The following SRRM4 variants were observed in gnomAD, a reference collection of about 807,000 sequenced individuals.
SRRM4 encodes the protein serine/arginine repetitive matrix protein 4.
SRRM4 carries 33 observed loss-of-function variants against 68.9 expected under a neutral mutation model. That is an observed-to-expected ratio of 0.48 (90% CI 0.36 to 0.64). The LOEUF (loss-of-function observed/expected upper bound fraction) is 0.64, where lower values mean the gene tolerates loss of function less well. Ranked by LOEUF, SRRM4 falls within the 30% of genes least tolerant of loss-of-function variation. The pLI is 0.00. For missense variants in SRRM4, 817 were observed against 827.1 expected (o/e 0.99, Z 0.15); for synonymous variants, 318 against 318.8 (o/e 1.00, Z 0.03).
chr12:119,026,308 G>A (rs552048278), intron 1 of SRRM4, among the ~76,000 whole-genome samples: 2 of 152,076 alleles, frequency 1.3e-5, no homozygotes, highest in African/African-American at 4.8e-5. Context: ...AGACTTGGAA[G>A]GTGACAGGAT....
intron 1 of SRRM4, among the ~76,000 whole-genome samples, chr12:118,987,462 C>T (rs1953289902): frequency 6.6e-6 from 1 of 152,086 alleles, no homozygotes; most frequent in African/African-American, 2.4e-5. Flanking sequence ...TTTGGTGCTC[C>T]CTAAAGAGCC....
At chr12:119,096,927 C>T (rs759945412) in intron 1 of SRRM4, among the ~76,000 whole-genome samples, 2 of 152,104 alleles carry the variant, frequency 1.3e-5, no homozygotes, top group African/African-American at 2.4e-5. Context: ...TGACTCTTAT[C>T]GGAGCCTTGG....
At chr12:119,150,717 GTTAC>G (rs1954433376) in intron 9 of SRRM4, among the ~76,000 whole-genome samples, 1 of 152,166 alleles carries the variant, frequency 6.6e-6, no homozygotes, top group African/African-American at 2.4e-5. Context: ...GTAATCTGAT[GTTAC>G]TTACCATCAT....
intron 1 of SRRM4, among the ~76,000 whole-genome samples, chr12:119,089,797 CAGT>C (rs1954003279): frequency 6.6e-6 from 1 of 152,164 alleles, no homozygotes; most frequent in Non-Finnish European, 1.5e-5. Flanking sequence ...CTATCATCAT[CAGT>C]AACATTATCA....
chr12:119,066,951 A>G (rs1419242105), intron 1 of SRRM4, among the ~76,000 whole-genome samples: 1 of 152,174 alleles, frequency 6.6e-6, no homozygotes, highest in Non-Finnish European at 1.5e-5. Flanking sequence ...CTCTTTCCAA[A>G]GAGTGGACCT....
At chr12:119,004,032 T>G (rs1246845022) in intron 1 of SRRM4, among the ~76,000 whole-genome samples, 1 of 152,068 alleles carries the variant, frequency 6.6e-6, no homozygotes, top group Non-Finnish European at 1.5e-5. Flanking sequence ...CTAGTCTGGA[T>G]TTTGGATGTT....
intron 1 of SRRM4, among the ~76,000 whole-genome samples, chr12:119,042,513 A>C (rs1953676179): frequency 6.6e-6 from 1 of 151,868 alleles, no homozygotes; most frequent in South Asian, 2.1e-4. Context: ...CCATCCACCA[A>C]GGACACTGCC....
chr12:119,103,006 G>A (rs1172598309), intron 2 of SRRM4, among the ~76,000 whole-genome samples: 1 of 152,104 alleles, frequency 6.6e-6, no homozygotes, highest in Non-Finnish European at 1.5e-5. Context: ...AAGTGGCAGA[G>A]TGAAGTTTTG....
At chr12:118,988,360 A>C (rs1322863467) in intron 1 of SRRM4, among the ~76,000 whole-genome samples, 1 of 152,230 alleles carries the variant, frequency 6.6e-6, no homozygotes, top group Admixed American at 6.5e-5. Context: ...CTCTGAGGGG[A>C]ACATTAACTG....
chr12:119,073,667 C>T (rs186752383), intron 1 of SRRM4, among the ~76,000 whole-genome samples: 51 of 152,246 alleles, frequency 3.3e-4, no homozygotes, highest in Admixed American at 3.3e-3. Context: ...GTTGCTCAGG[C>T]TGGAGTATAG....
chr12:119,011,589 A>T (rs1235686207), intron 1 of SRRM4, among the ~76,000 whole-genome samples: 1 of 152,220 alleles, frequency 6.6e-6, no homozygotes, highest in Non-Finnish European at 1.5e-5. Context: ...CCATTAAGAC[A>T]ACGTTTGCAA....
At chr12:119,017,165 T>G (rs1300308171) in intron 1 of SRRM4, among the ~76,000 whole-genome samples, 2 of 152,350 alleles carry the variant, frequency 1.3e-5, no homozygotes, top group Admixed American at 1.3e-4. Context: ...AATCTCCAGC[T>G]TCTATGATTG....
chr12:119,061,142 T>C (rs1259194987), intron 1 of SRRM4, among the ~76,000 whole-genome samples: 3 of 152,132 alleles, frequency 2.0e-5, no homozygotes, highest in Non-Finnish European at 2.9e-5. Context: ...CCTTGAAGGT[T>C]GAAGGAATGA....
intron 10 of SRRM4, among the ~76,000 whole-genome samples, chr12:119,152,794 CCT>C (rs1455417411): frequency 2.6e-5 from 4 of 152,292 alleles, no homozygotes; most frequent in South Asian, 2.1e-4. Flanking sequence ...TATTCCTGCC[CCT>C]GTTTTCTAAA....
At chr12:119,053,793 T>A (rs1953759887) in intron 1 of SRRM4, among the ~76,000 whole-genome samples, 1 of 152,152 alleles carries the variant, frequency 6.6e-6, no homozygotes, top group South Asian at 2.1e-4. Context: ...TATATGTTTA[T>A]GAGATATTTT....
rs768671142 is a variant in SRRM4 at position 119,130,728 on chromosome 12, C to G, written c.665C>G (p.Ser222Cys). 5.0e-6 allele frequency: 8 copies of G among 1,611,296 alleles called. No individual in the cohort carries two copies. The highest frequency in any genetic ancestry group is 6.8e-6 in the Non-Finnish European group (8 of 1,179,838). ...GGGCAGAAGTCCCGCCGAAGGCACTCCCGCCGCTGCTCCAAGACCCTCTGC... is the reference window on the plus strand; with the variant it reads ...GGGCAGAAGTCCCGCCGAAGGCACTGCCGCCGCTGCTCCAAGACCCTCTGC... ...EEGQKSRRRH[S>C]RRCSKTLCKD... Residue 222 changes from serine (S) to cysteine (C), a missense_variant, in exon 8 of 13, where the codon TCC (serine) becomes TGC (cysteine). By Grantham distance (112) the Ser-to-Cys change is moderately radical. Transcript: ENST00000267260.
chr12:119,125,711 G>A (rs1954254596), intron 7 of SRRM4, among the ~76,000 whole-genome samples: 1 of 151,994 alleles, frequency 6.6e-6, no homozygotes, highest in Non-Finnish European at 1.5e-5. Flanking sequence ...TATGAGATCA[G>A]GAGTTCAAGA....
At chr12:118,987,688 T>C (rs1371923086) in intron 1 of SRRM4, among the ~76,000 whole-genome samples, 2 of 152,178 alleles carry the variant, frequency 1.3e-5, no homozygotes, top group African/African-American at 4.8e-5. Context: ...AGCTAATTTA[T>C]GGAAAGTGCT....
rs1282763251 is a variant in SRRM4, at chr12:119,150,915, C to A, written c.1077-102C>A. On this transcript the variant is annotated intron_variant, in intron 9 of 12. Transcript: ENST00000267260. ...GATGGGAAAAGGGGCAAAGAGGGTT[C>A]TATGAGAGCACCACAGCCTAGGCCA... 12 of 1,046,022 alleles carry A rather than the reference C, an allele frequency of 1.1e-5. No homozygotes were observed. In the East Asian group the frequency reaches 2.1e-4, roughly 18 times the overall value. The allele number at this position is 1,046,022 out of a possible 1,614,324, so 64.8% of individuals were successfully genotyped here. A position where few individuals can be genotyped will look rare whatever the true frequency, so the allele number is the denominator to read the frequency against.
Sources: gnomAD v4.1 joint callset for allele counts (sites outside exome capture counted in the v4.1 genomes callset) on GRCh38, gnomAD v4.1.1 for gene constraint, MANE v1.5 for transcripts, NCBI Gene and HGNC (gene_info 2026-07-23, HGNC 2026-07-21) for gene names.